TBC1D5: variants seen among roughly 807,000 people sequenced by gnomAD.
TBC1D5 encodes the protein TBC1 domain family, member 5.
Under a neutral mutation model 100.3 loss-of-function variants are expected in TBC1D5, and 75 were observed. The ratio of observed to expected loss-of-function variants is 0.75; its 90% CI spans 0.62 to 0.91. TBC1D5 has a LOEUF of 0.91. Ranked by LOEUF, TBC1D5 falls within the 40% of genes least tolerant of loss-of-function variation. The pLI, the probability that TBC1D5 is intolerant of heterozygous loss-of-function variation, is 0.00. For missense variants in TBC1D5, 910 were observed against 942.4 expected, an observed-to-expected ratio of 0.97 and a Z score of 0.45; for synonymous variants, 323 against 325.6, an observed-to-expected ratio of 0.99 and a Z score of 0.09.
intron 16 of TBC1D5, among the ~76,000 whole-genome samples, chr3:17,245,267 A>T (rs944217542): frequency 4.6e-5 from 7 of 152,320 alleles, no homozygotes; most frequent in African/African-American, 1.7e-4. Context: ...GTAACTTTGA[A>T]GTTCAGTGTT....
chr3:17,396,045 C>G (rs1161476551), intron 8 of TBC1D5, among the ~76,000 whole-genome samples: 2 of 152,028 alleles, frequency 1.3e-5, no homozygotes, highest in African/African-American at 4.8e-5. Context: ...TGTTTTCCCC[C>G]CTCTTTAATA....
At chr3:17,669,947 G>A (rs1374819397) in intron 1 of TBC1D5, among the ~76,000 whole-genome samples, 6 of 152,166 alleles carry the variant, frequency 3.9e-5, no homozygotes, top group Admixed American at 2.0e-4. Flanking sequence ...GTGCAATGGC[G>A]CGATCTCGGC....
At chr3:17,351,375 T>TA (rs2090559295) in intron 13 of TBC1D5, among the ~76,000 whole-genome samples, 1 of 152,098 alleles carries the variant, frequency 6.6e-6, no homozygotes, top group Non-Finnish European at 1.5e-5. Context: ...GTGGCACATA[T>TA]ACACCACGGA....
chr3:17,491,388 C>T (rs968367248), intron 3 of TBC1D5, among the ~76,000 whole-genome samples: 1 of 152,112 alleles, frequency 6.6e-6, no homozygotes, highest in African/African-American at 2.4e-5. Context: ...TATCTTGTGC[C>T]GGTTTTCAAA....
intron 2 of TBC1D5, among the ~76,000 whole-genome samples, chr3:17,585,264 G>C (rs1436097675): frequency 6.6e-6 from 1 of 152,102 alleles, no homozygotes; most frequent in East Asian, 1.9e-4. Flanking sequence ...CAAGGATCTG[G>C]GTTATTCTAA....
intron 2 of TBC1D5, among the ~76,000 whole-genome samples, chr3:17,608,858 T>C (rs1249957150): frequency 1.3e-5 from 2 of 152,298 alleles, no homozygotes; most frequent in African/African-American, 4.8e-5. Context: ...TCACAAATCA[T>C]TATTCTTAGC....
intron 2 of TBC1D5, among the ~76,000 whole-genome samples, chr3:17,610,308 C>T (rs1243693821): frequency 1.3e-5 from 2 of 152,106 alleles, no homozygotes; most frequent in Non-Finnish European, 2.9e-5. Flanking sequence ...CCTCAGCCTC[C>T]CAAGTAGCTG....
At chr3:17,621,007 C>A (rs1279962896) in intron 2 of TBC1D5, among the ~76,000 whole-genome samples, 1 of 152,042 alleles carries the variant, frequency 6.6e-6, no homozygotes. Context: ...ATATGATTAA[C>A]CAATCTTGAA....
intron 8 of TBC1D5, among the ~76,000 whole-genome samples, chr3:17,386,039 T>C (rs945958811): frequency 2.6e-5 from 4 of 152,100 alleles, no homozygotes; most frequent in African/African-American, 9.7e-5. Context: ...ATATCCCAAA[T>C]TAATCAGGAT....
intron 13 of TBC1D5, among the ~76,000 whole-genome samples, chr3:17,359,354 A>G (rs2091502051): frequency 6.6e-6 from 1 of 152,080 alleles, no homozygotes; most frequent in Non-Finnish European, 1.5e-5. Flanking sequence ...CATTTTTCTT[A>G]TATTTAGGTC....
intron 1 of TBC1D5, among the ~76,000 whole-genome samples, chr3:17,650,930 G>T (rs2065487807): frequency 6.6e-6 from 1 of 152,176 alleles, no homozygotes; most frequent in South Asian, 2.1e-4. Context: ...GCATTGACAT[G>T]TAAGAATTTC....
intron 1 of TBC1D5, among the ~76,000 whole-genome samples, chr3:17,719,371 T>C (rs1270898068): frequency 6.6e-6 from 1 of 152,216 alleles, no homozygotes; most frequent in Non-Finnish European, 1.5e-5. Context: ...GCATATTATT[T>C]ATTTCCCATA....
At chr3:17,463,828 A>G (rs2095255604) in intron 3 of TBC1D5, among the ~76,000 whole-genome samples, 1 of 152,042 alleles carries the variant, frequency 6.6e-6, no homozygotes, top group Non-Finnish European at 1.5e-5. Flanking sequence ...AGAAAGCAGA[A>G]TGTGGCCTGC....
chr3:17,559,771 A>G (rs2096546332), intron 2 of TBC1D5, among the ~76,000 whole-genome samples: 1 of 151,238 alleles, frequency 6.6e-6, no homozygotes, highest in African/African-American at 2.4e-5. Context: ...TTGTATTTTT[A>G]GTACAGACGG....
chr3:17,443,323 G>A (rs929357418), intron 3 of TBC1D5, among the ~76,000 whole-genome samples: 6 of 152,140 alleles, frequency 3.9e-5, no homozygotes, highest in Non-Finnish European at 8.8e-5. Flanking sequence ...TGTACTATGT[G>A]GGCTCTAGAT....
intron 2 of TBC1D5, among the ~76,000 whole-genome samples, chr3:17,533,435 G>T (rs1475704562): frequency 6.6e-6 from 1 of 152,170 alleles, no homozygotes; most frequent in Admixed American, 6.5e-5. Flanking sequence ...AATATGGGGG[G>T]ATGGAAGGAG....
At chr3:17,518,089 T>C (rs912184624) in intron 2 of TBC1D5, among the ~76,000 whole-genome samples, 104 of 152,198 alleles carry the variant, frequency 6.8e-4, no homozygotes, top group African/African-American at 2.4e-3. Context: ...TGATCTCAGC[T>C]AAATAAAAAC....
At chr3:17,303,833 CTTTTTTTTTTTTTTTTT>C (rs140988557) in intron 14 of TBC1D5, among the ~76,000 whole-genome samples, 2,085 of 84,592 alleles carry the variant, frequency 0.025, 72 homozygotes, top group African/African-American at 0.097. Flanking sequence ...CAATCTACCT[CTTTTTTTTTTTTTTTTT>C]TTTTTTTTTT....
Position 17,695,479 on chromosome 3 carries a change from T to C in TBC1D5, c.-101+43864A>G, listed in dbSNP as rs545368324. On this transcript the variant is annotated intron_variant, in intron 1 of 21. Coordinates refer to ENST00000253692, the Ensembl canonical transcript of TBC1D5. ...CTGATAAAAACAGACTATAAACCAATAAAGATCCAAAGAGACAAAGAAGGC... is the reference window on the plus strand; with the variant it reads ...CTGATAAAAACAGACTATAAACCAACAAAGATCCAAAGAGACAAAGAAGGC... Among the ~76,000 whole-genome samples the C allele has an allele frequency of 5.3e-5, 8 of 151,842 alleles. No homozygotes were observed. The East Asian group carries it at 1.2e-3, about 22-fold the overall frequency.
Sources: allele counts gnomAD v4.1 joint callset (sites outside exome capture counted in the v4.1 genomes callset), GRCh38; gene constraint gnomAD v4.1.1; transcripts MANE v1.5; gene names NCBI Gene and HGNC (gene_info 2026-07-23, HGNC 2026-07-21).